Variants in ATRX observed in about 807,000 individuals in gnomAD.
ATRX encodes the protein chromatin remodeler ATRX.
Under a neutral mutation model 172.6 loss-of-function variants are expected in ATRX, and 12 were observed. That is an observed-to-expected ratio of 0.07 (90% CI 0.04 to 0.11). The LOEUF is 0.11. Ranked by LOEUF, ATRX falls within the 10% of genes least tolerant of loss-of-function variation. The pLI is 1.00. For synonymous variants in ATRX, 674 were observed against 594.7 expected (o/e 1.13, Z -1.94); for missense variants, 1,368 against 1,767.4 (o/e 0.77, Z 4.05).
intron 12 of ATRX, 141 bp from the exon 13 acceptor site, chrX:77,656,794 T>C: frequency 2.3e-6 from 1 of 439,585 alleles, no homozygotes; most frequent in Non-Finnish European, 3.9e-6. Flanking sequence ...ATACATAATA[T>C]AGAATATACC....
chrX:77,721,367 G>A (rs782127013), intron 1 of ATRX, among the ~76,000 whole-genome samples: 2 of 111,396 alleles, frequency 1.8e-5, no homozygotes, highest in Non-Finnish European at 3.8e-5. Context: ...TATTCAATCC[G>A]GAAAAGAGGA....
At chrX:77,607,164 G>T (rs782041801) in intron 22 of ATRX, among the ~76,000 whole-genome samples, 1 of 111,397 alleles carries the variant, frequency 9.0e-6, no homozygotes, top group African/African-American at 3.3e-5. Context: ...GAAATAAAGC[G>T]CATACAAATG....
chrX:77,532,453 G>C (rs187972326), intron 30 of ATRX, among the ~76,000 whole-genome samples: 3 of 111,203 alleles, frequency 2.7e-5, no homozygotes, highest in Non-Finnish European at 5.7e-5. Context: ...TCGACCAATG[G>C]AATGGAATAG....
rs879991406 is a variant in ATRX, at chrX:77,652,408, T to C, written c.4318-55A>G. 1.8e-5 allele frequency: 20 copies of C among 1,132,457 alleles called. No homozygotes were observed. The South Asian group carries it at 3.7e-4, about 21-fold the overall frequency. 93.3% of individuals were successfully genotyped at this position (1,132,457 alleles called of 1,213,427 possible). A position where few individuals can be genotyped will look rare whatever the true frequency, so the allele number is the denominator to read the frequency against. On this transcript the variant is annotated intron_variant, in intron 14 of 34. Transcript: ENST00000373344. ...AGTACAAAGTCATTTAATTTATCCA[T>C]TTCATATTCCATTAATTAACACAGC...
rs782129897 is a variant in ATRX, at chrX:77,785,939, G to A, written c.20+43C>T. ...CAAACACCCGACTCAGACGGTGCCT[G>A]GGCCCAGACCGCTGGGGCCCATGAG... On this transcript the variant is annotated intron_variant, in intron 1 of 34. Transcript: ENST00000373344. 4.3e-6 allele frequency: 5 copies of A among 1,174,152 alleles called. No individual in the cohort carries two copies. In the South Asian group the frequency reaches 9.5e-5, roughly 22 times the overall value.
chrX:77,761,780 G>A lies in ATRX; in HGVS notation c.20+24202C>T, dbSNP rs893686778. On this transcript the variant is annotated intron_variant, in intron 1 of 34. Transcript: ENST00000373344. The stretch of plus-strand genomic sequence containing the variant: ...TAGTCATCCTACGTGATTCCAACTT[G>A]GTAACCTTTAACCAATATCTCCCCA... 1.1e-4 allele frequency among the ~76,000 whole-genome samples: 12 copies of A among 110,855 alleles called. No homozygotes were observed. The East Asian group carries it at 3.1e-3, about 29-fold the overall frequency.
At chrX:77,514,537 G>T (rs2062987176) in intron 34 of ATRX, among the ~76,000 whole-genome samples, 2 of 111,909 alleles carry the variant, frequency 1.8e-5, no homozygotes, top group South Asian at 7.5e-4. Context: ...ACAGTGCTGG[G>T]GTAATTGGCT....
chrX:77,525,384 C>G (rs1557043335), intron 30 of ATRX, among the ~76,000 whole-genome samples: 1 of 111,672 alleles, frequency 9.0e-6, no homozygotes, highest in Non-Finnish European at 1.9e-5. Context: ...CCCACCCCCC[C>G]AACACATACA....
chrX:77,631,732 G>C (rs1355383219), intron 19 of ATRX, among the ~76,000 whole-genome samples: 1 of 111,819 alleles, frequency 8.9e-6, no homozygotes, highest in East Asian at 2.8e-4. Context: ...TAAAGATTGA[G>C]AAACCGTCAT....
chrX:77,682,811 A>C lies in ATRX; in HGVS notation c.2445T>G (p.Ser815=), dbSNP rs2071307464. 3 of 1,209,638 alleles carry C rather than the reference A, an allele frequency of 2.5e-6. No homozygotes were observed. Among genetic ancestry groups the C allele is most frequent in the Non-Finnish European group, 3.4e-6 (3 of 894,342 alleles). ...CTTTTTCTAATTCTGAGTCATAATT[A>C]GAAGACTCAGACTGGGTTTGTCGTT... is the stretch of plus-strand genomic sequence containing the variant. ...KKKRQTQSES[S]NYDSELEKEI... Residue 815 remains serine (S), a synonymous_variant, in exon 9 of 35, where the codon TCT becomes TCG. Coordinates refer to ENST00000373344, the MANE Select transcript of ATRX (RefSeq NM_000489.6).
chrX:77,747,120 T>C (rs903029211), intron 1 of ATRX, among the ~76,000 whole-genome samples: 43 of 111,546 alleles, frequency 3.9e-4, no homozygotes, highest in African/African-American at 1.3e-3. Context: ...TTTTACAGCA[T>C]CTGTGTAGCA....
Position 77,508,300 on chromosome X carries a change from A to C in ATRX, c.*51T>G, listed in dbSNP as rs1186657436. On this transcript the variant is annotated 3_prime_UTR_variant, in exon 35 of 35. Transcript: ENST00000373344. ...TGTTAAGTCATTGATTCCTAAAAAA[A>C]TAAAAGATCTTTCTATGATTTTAAC... 2 of 1,185,521 alleles carry C rather than the reference A, an allele frequency of 1.7e-6. No individual in the cohort carries two copies. The highest frequency in any genetic ancestry group is 4.4e-5 in the Admixed American group (2 of 45,579).
At position 77,691,487 on chromosome X, in the gene ATRX, A is replaced by G. The variant is rs185747479; in HGVS notation, c.484+2337T>C. ...TAGAACAAAATTATTGTGTCATGTA[A>G]AAAAGTTAGGTGTAAAATATACTTT... On this transcript the variant is annotated intron_variant, in intron 6 of 34. Transcript: ENST00000373344. 3.5e-3 allele frequency among the ~76,000 whole-genome samples: 391 copies of G among 111,951 alleles called. 3 individuals are homozygous for G. Among genetic ancestry groups the G allele is most frequent in the African/African-American group, 0.012 (372 of 30,882 alleles).
Position 77,599,505 on chromosome X carries a change from C to T in ATRX, c.5862G>A (p.Val1954=), listed in dbSNP as rs1016119221. The change falls in exon 25 of 35, where the codon GTG becomes GTA. Residue 1954 remains valine (V), a synonymous_variant. Transcript: ENST00000373344. Reference sequence around the variant, plus strand: ...GAGATCTTGAATTCCAGACCTTAATCACTTCAACATCATTGTCACTGCCAC... The same window carrying T: ...GAGATCTTGAATTCCAGACCTTAATTACTTCAACATCATTGTCACTGCCAC... The part of the protein sequence containing the change: ...SGSGSDNDVE[V]IKVWNSRSRG... 1 of 1,207,937 alleles carries T rather than the reference C, an allele frequency of 8.3e-7. No individual in the cohort carries two copies. Among genetic ancestry groups the T allele is most frequent in the African/African-American group, 1.8e-5 (1 of 56,717 alleles).
At chrX:77,612,409 G>A (rs2067195349) in intron 22 of ATRX, among the ~76,000 whole-genome samples, 2 of 107,571 alleles carry the variant, frequency 1.9e-5, no homozygotes, top group South Asian at 4.3e-4. Context: ...CACATACTGG[G>A]GCCTGTTGGG....
chrX:77,737,860 G>A (rs188140963), intron 1 of ATRX, among the ~76,000 whole-genome samples: 2 of 111,241 alleles, frequency 1.8e-5, no homozygotes, highest in East Asian at 5.6e-4. Flanking sequence ...ATCTCTTAGG[G>A]TAAATGCTGG....
intron 12 of ATRX, among the ~76,000 whole-genome samples, chrX:77,661,835 T>C (rs1458226636): frequency 1.8e-5 from 2 of 111,514 alleles, no homozygotes; most frequent in Non-Finnish European, 3.8e-5. Flanking sequence ...AAACACAGGC[T>C]TACAAAGATC....
intron 34 of ATRX, among the ~76,000 whole-genome samples, chrX:77,519,685 G>C (rs1194574269): frequency 8.9e-6 from 1 of 111,981 alleles, no homozygotes; most frequent in Non-Finnish European, 1.9e-5. Context: ...GGAGAAAAGG[G>C]AACTTGTGTA....
chrX:77,521,756 TATA>T (rs2147743688), intron 32 of ATRX: 1 of 277,071 alleles, frequency 3.6e-6, no homozygotes, highest in East Asian at 6.5e-5. Flanking sequence ...AAGCACATTT[TATA>T]ATGTGTTTCA....
Sources: allele counts gnomAD v4.1 joint callset (sites outside exome capture counted in the v4.1 genomes callset), GRCh38; gene constraint gnomAD v4.1.1; transcripts MANE v1.5; gene names NCBI Gene and HGNC (gene_info 2026-07-23, HGNC 2026-07-21).